The following PDHB variants were observed in gnomAD, a reference collection of about 807,000 sequenced individuals.
PDHB encodes pyruvate dehydrogenase E1 subunit beta.
In PDHB, 17 loss-of-function variants were observed where a neutral mutation model predicts 42.8. That is an observed-to-expected ratio of 0.40 (90% CI 0.27 to 0.60). The LOEUF (loss-of-function observed/expected upper bound fraction) is 0.60. PDHB is among the 20% of genes least tolerant of loss of function. The pLI is 0.46. For missense variants in PDHB, 322 were observed against 451.3 expected, an observed-to-expected ratio of 0.71 and a Z score of 2.60; for synonymous variants, 154 against 148.7, an observed-to-expected ratio of 1.04 and a Z score of -0.26.
rs1030246100 is a variant in PDHB at position 58,433,826 on chromosome 3, A to C, written c.-17T>G. On this transcript the variant is annotated 5_prime_UTR_variant, in exon 1 of 10. Coordinates refer to ENST00000302746, the MANE Select transcript of PDHB (RefSeq NM_000925.4). ...CGCCGCCATCTTGGTCGTGTCCTCT[A>C]TCCGCTGCCAAACGACAACAGAGGG... 5.0e-6 allele frequency: 8 copies of C among 1,607,988 alleles called. No individual in the cohort carries two copies. Among genetic ancestry groups the C allele is most frequent in the South Asian group, 1.1e-5 (1 of 90,134 alleles).
rs1193253441 is a variant in PDHB at position 58,429,958 on chromosome 3, A to C, written c.701-159T>G. 4.1e-6 allele frequency: 3 copies of C among 732,264 alleles called. No individual in the cohort carries two copies. In the African/African-American group the frequency reaches 5.2e-5, roughly 13 times the overall value. The allele number at this position is 732,264 out of a possible 1,614,324, so 45.4% of individuals were successfully genotyped here. Reference sequence around the variant, plus strand: ...GCAGCCTTCCTAGAAATGAAACACAAACCTACCAGACTGAGATCTAGAAAA... The same window carrying C: ...GCAGCCTTCCTAGAAATGAAACACACACCTACCAGACTGAGATCTAGAAAA... On this transcript the variant is annotated intron_variant, in intron 7 of 9. Coordinates refer to ENST00000302746, the MANE Select transcript of PDHB (RefSeq NM_000925.4).
intron 8 of PDHB, among the ~76,000 whole-genome samples, chr3:58,429,216 CTA>C (rs1417278259): frequency 1.3e-5 from 2 of 152,176 alleles, no homozygotes; most frequent in Non-Finnish European, 2.9e-5. Context: ...CACAACAGCC[CTA>C]TGACGGGACA....
chr3:58,430,596 T>A (rs1340503605), intron 6 of PDHB, 61 bp downstream of exon 6: 1 of 1,353,822 alleles, frequency 7.4e-7, no homozygotes, highest in East Asian at 2.3e-5. Context: ...GTTTCCTCTG[T>A]GCAAATATAT....
At chr3:58,433,213 T>C in intron 2 of PDHB, 1 of 249,812 alleles carries the variant, frequency 4.0e-6, no homozygotes, top group Admixed American at 5.2e-5. Context: ...AAATGAGGAG[T>C]TACCGAGTAA....
chr3:58,430,175 G>T lies in PDHB; in HGVS notation c.653C>A (p.Ser218Ter). The change falls in exon 7 of 10, where the codon TCA (serine) becomes TAA (stop). Residue 218 changes from serine to a stop codon, truncating the protein, a stop_gained. Transcript: ENST00000302746. LOFTEE classifies it high-confidence loss of function. ...TCCAATAGGAATCAGAAAATCTTTT[G>T]ACTGAGCTTCCGGAGGAAATTCAAA... is the stretch of plus-strand genomic sequence containing the variant. ...VPFEFPPEAQSKDFLIPIGKA... is the reference protein window; with the variant it reads ...VPFEFPPEAQ 1.2e-6 allele frequency: 2 copies of T among 1,612,844 alleles called. No individual in the cohort carries two copies. The highest frequency in any genetic ancestry group is 1.1e-5 in the South Asian group (1 of 90,918).
At position 58,429,719 on chromosome 3, in the gene PDHB, C is replaced by A; in HGVS notation, c.781G>T (p.Val261Phe). ...AAATGTCCACTCACCTCACATTCAA[C>A]TCCTTCTTTAGATAGCACTGCTGCA... ...EAAAVLSKEG[V>F]ECEVINMRTI... Residue 261 changes from valine to phenylalanine, a missense_variant, in exon 8 of 10, where the codon GTT (valine) becomes TTT (phenylalanine). Val to Phe is a conservative substitution (Grantham distance 50). Transcript: ENST00000302746. 1 of 1,604,950 alleles carries A rather than the reference C, an allele frequency of 6.2e-7. No homozygotes were observed. Among genetic ancestry groups the A allele is most frequent in the Non-Finnish European group, 8.5e-7 (1 of 1,171,600 alleles).
At chr3:58,433,485 A>C in intron 2 of PDHB, 146 bp downstream of exon 2, 1 of 847,512 alleles carries the variant, frequency 1.2e-6, no homozygotes, top group Middle Eastern at 3.3e-4. Flanking sequence ...CGACAGAGGC[A>C]GCAGGAGCTC....
At position 58,429,750 on chromosome 3, in the gene PDHB, T is replaced by C; in HGVS notation, c.750A>G (p.Leu250=). The C allele has an allele frequency of 6.2e-7, 1 of 1,612,434 alleles. No individual in the cohort carries two copies. The highest frequency in any genetic ancestry group is 8.5e-7 in the Non-Finnish European group (1 of 1,178,404). Residue 250 remains leucine (L), a synonymous_variant, in exon 8 of 10, where the codon TTA becomes TTG. Coordinates refer to ENST00000302746, the MANE Select transcript of PDHB (RefSeq NM_000925.4). ...VSHSRPVGHC[L]EAAAVLSKEG... ...CTTTAGATAGCACTGCTGCAGCTTC[T>C]AAGCAGTGGCCCACAGGTCTTGAAT...
chr3:58,431,506 G>A lies in PDHB; in HGVS notation c.303+87C>T. On this transcript the variant is annotated intron_variant, in intron 5 of 9. Transcript: ENST00000302746. This position sits in a 1 kb window ranked among gnomAD's most constrained non-coding sequence, Gnocchi z 4.4. ...AGATGGTGCCAGTGCACTCCAGGCT[G>A]GACAACAGAGTGAGACTCTGTCTCA... is the stretch of plus-strand genomic sequence containing the variant. 9.4e-7 allele frequency: 1 copy of A among 1,065,702 alleles called. No homozygotes were observed. The highest frequency in any genetic ancestry group is 1.5e-6 in the Non-Finnish European group (1 of 684,988). The allele number at this position is 1,065,702 out of a possible 1,614,324, so 66.0% of individuals were successfully genotyped here.
intron 7 of PDHB, 164 bp downstream of exon 7, chr3:58,429,964 C>T (rs768995893): frequency 1.4e-6 from 1 of 730,860 alleles, no homozygotes; most frequent in Non-Finnish European, 2.5e-6. Flanking sequence ...CACAAACCTA[C>T]CAGACTGAGA....
Position 58,430,723 on chromosome 3 carries a change from C to G in PDHB, c.523G>C (p.Val175Leu). ...WYGHCPGLKVVSPWNSEDAKG... is the reference protein window; with the variant it reads ...WYGHCPGLKVLSPWNSEDAKG... Reference sequence around the variant, plus strand: ...GCATCCTCTGAATTCCAGGGACTGACCACCTTTAAGCCTGGGCAGTGCCCA... The same window carrying G: ...GCATCCTCTGAATTCCAGGGACTGAGCACCTTTAAGCCTGGGCAGTGCCCA... Residue 175 changes from valine to leucine, a missense_variant, in exon 6 of 10, where the codon GTC becomes CTC. Coordinates refer to ENST00000302746, the MANE Select transcript of PDHB (RefSeq NM_000925.4). 1 of 1,614,074 alleles carries G rather than the reference C, an allele frequency of 6.2e-7. No homozygotes were observed. Among genetic ancestry groups the G allele is most frequent in the Non-Finnish European group, 8.5e-7 (1 of 1,179,932 alleles).
chr3:58,431,845 A>G lies in PDHB; in HGVS notation c.204+32T>C. Reference sequence around the variant, plus strand: ...TGTATCTGGGGGTAACAGTGACCTCAATTTTGTATAACTTTCATATATTTT... The same window carrying G: ...TGTATCTGGGGGTAACAGTGACCTCGATTTTGTATAACTTTCATATATTTT... On this transcript the variant is annotated intron_variant, in intron 3 of 9. Coordinates refer to ENST00000302746, the MANE Select transcript of PDHB (RefSeq NM_000925.4). The surrounding 1 kb of genome is among the most constrained non-coding windows in gnomAD (Gnocchi z 4.4). 1.2e-6 allele frequency: 2 copies of G among 1,606,778 alleles called. No individual in the cohort carries two copies. The highest frequency in any genetic ancestry group is 2.2e-5 in the East Asian group (1 of 44,832).
intron 8 of PDHB, among the ~76,000 whole-genome samples, chr3:58,428,980 G>C (rs1173460354): frequency 2.0e-5 from 3 of 152,206 alleles, no homozygotes; most frequent in Non-Finnish European, 2.9e-5. Flanking sequence ...TCAGCCTCTG[G>C]AGTAGCTGGG....
chr3:58,433,576 C>G, intron 2 of PDHB, 55 bp downstream of exon 2: 6 of 1,560,848 alleles, frequency 3.8e-6, no homozygotes, highest in South Asian at 1.2e-5. Context: ...GCCTCCTTCC[C>G]GAGAGAAGGG....
At chr3:58,432,057 T>C in intron 2 of PDHB, 73 bp from the exon 3 acceptor site, 5 of 991,096 alleles carry the variant, frequency 5.0e-6, no homozygotes, top group Non-Finnish European at 8.1e-6. Flanking sequence ...CCTTTATATT[T>C]ACCTAGGCTG....
Position 58,431,119 on chromosome 3 carries a change from C to G in PDHB, c.304-177G>C. ...GTGCAGTGGCACACATCATAGCTCA[C>G]TGCAGCCTCTAACTCCTAGGCTCAA... On this transcript the variant is annotated intron_variant, in intron 5 of 9. Coordinates refer to ENST00000302746, the MANE Select transcript of PDHB (RefSeq NM_000925.4). This position sits in a 1 kb window ranked among gnomAD's most constrained non-coding sequence, Gnocchi z 4.4. The G allele has an allele frequency of 4.5e-6, 3 of 663,278 alleles. No homozygotes were observed. The highest frequency in any genetic ancestry group is 7.9e-6 in the Non-Finnish European group (3 of 378,528). The allele number at this position is 663,278 out of a possible 1,614,324, so 41.1% of individuals were successfully genotyped here.
chr3:58,431,684 A>C lies in PDHB; in HGVS notation c.267+47T>G, dbSNP rs753672410. 1 of 1,594,894 alleles carries C rather than the reference A, an allele frequency of 6.3e-7. No individual in the cohort carries two copies. Among genetic ancestry groups the C allele is most frequent in the Non-Finnish European group, 8.6e-7 (1 of 1,162,412 alleles). On this transcript the variant is annotated intron_variant, in intron 4 of 9. Transcript: ENST00000302746. The surrounding 1 kb of genome is among the most constrained non-coding windows in gnomAD (Gnocchi z 4.4). ...ATCCATAAAAATGAGGATAATGGAC[A>C]CTAACAGACATGCCCTCCAGGGTCT...
intron 2 of PDHB, 141 bp from the exon 3 acceptor site, chr3:58,432,125 TTC>T: frequency 1.4e-6 from 1 of 700,908 alleles, no homozygotes; most frequent in Admixed American, 2.2e-5. Context: ...ACTCAAAGAA[TTC>T]TAAAAGTAAC....
In PDHB at chr3:58,433,623, C is replaced by T. The variant is rs2062943444; in HGVS notation, c.96+8G>A. Reference sequence around the variant, plus strand: ...CGCCCTCGTCCGACGAGCACCCGCGCCTGTTACCTGCAGCGCAGCCGGCGC... The same window carrying T: ...CGCCCTCGTCCGACGAGCACCCGCGTCTGTTACCTGCAGCGCAGCCGGCGC... On this transcript the variant is annotated splice_region_variant and intron_variant, in intron 2 of 9. Transcript: ENST00000302746. 2.5e-6 allele frequency: 4 copies of T among 1,609,244 alleles called. No homozygotes were observed. The highest frequency in any genetic ancestry group is 3.4e-6 in the Non-Finnish European group (4 of 1,178,648).
Sources: gnomAD v4.1 joint callset for allele counts (sites outside exome capture counted in the v4.1 genomes callset) on GRCh38, gnomAD v4.1.1 for gene constraint, Gnocchi (gnomAD v3.1) non-coding constraint, MANE v1.5 for transcripts, NCBI Gene and HGNC (gene_info 2026-07-23, HGNC 2026-07-21) for gene names.